Variants in RXRG observed in about 807,000 individuals in gnomAD.
RXRG encodes the protein retinoic acid receptor RXR-gamma.
RXRG carries 19 observed loss-of-function variants against 49.2 expected under a neutral mutation model. The observed-to-expected ratio is 0.39, with a 90% confidence interval of 0.27 to 0.57. The LOEUF (loss-of-function observed/expected upper bound fraction) is 0.57, where lower values mean the gene tolerates loss of function less well. Among genes scored for constraint, RXRG ranks in the 20% least tolerant of loss-of-function variants. RXRG has a pLI of 0.64. For missense variants in RXRG, 452 were observed against 592.5 expected, an observed-to-expected ratio of 0.76 and a Z score of 2.46; for synonymous variants, 224 against 216.6, an observed-to-expected ratio of 1.03 and a Z score of -0.30.
rs186433267 is a variant in RXRG, at chr1:165,401,075, A to G, written c.*188T>C. ...AGCCCTGTAGACAGCAAAGCGTATT[A>G]CCTTTAACATCTATACAAAAGTCCA... is the stretch of plus-strand genomic sequence containing the variant. On this transcript the variant is annotated 3_prime_UTR_variant, in exon 10 of 10. Coordinates refer to ENST00000359842, the MANE Select transcript of RXRG (RefSeq NM_006917.5). The G allele has an allele frequency of 1.1e-4, 62 of 581,412 alleles. No homozygotes were observed. The East Asian group carries it at 1.7e-3, about 16-fold the overall frequency. The allele number at this position is 581,412 out of a possible 1,614,324, so 36.0% of individuals were successfully genotyped here. A position where few individuals can be genotyped will look rare whatever the true frequency, so the allele number is the denominator to read the frequency against.
At chr1:165,404,009 T>G (rs1314417974) in intron 9 of RXRG, among the ~76,000 whole-genome samples, 1 of 152,234 alleles carries the variant, frequency 6.6e-6, no homozygotes, top group Non-Finnish European at 1.5e-5. Flanking sequence ...TTTTGATCTC[T>G]GCTTTCTGAT....
At chr1:165,438,248 T>C (rs1287022112) in intron 1 of RXRG, among the ~76,000 whole-genome samples, 1 of 152,190 alleles carries the variant, frequency 6.6e-6, no homozygotes, top group Non-Finnish European at 1.5e-5. Context: ...CAGAACTTTT[T>C]GAATGCCAAT....
chr1:165,437,794 G>A (rs1034585229), intron 1 of RXRG, among the ~76,000 whole-genome samples: 12 of 152,194 alleles, frequency 7.9e-5, no homozygotes, highest in Non-Finnish European at 1.5e-4. Flanking sequence ...GCCGGTCCTC[G>A]TTAGCAGGAT....
At chr1:165,404,343 C>A (rs1004793146) in intron 9 of RXRG, among the ~76,000 whole-genome samples, 16 of 152,226 alleles carry the variant, frequency 1.1e-4, no homozygotes, top group African/African-American at 3.9e-4. Context: ...GTCCTGGCAA[C>A]AAGTGTTGGC....
chr1:165,445,010 T>C lies in RXRG; in HGVS notation c.-117A>G, dbSNP rs1659116790. 2 of 911,742 alleles carry C rather than the reference T, an allele frequency of 2.2e-6. No individual in the cohort carries two copies. Among genetic ancestry groups the C allele is most frequent in the African/African-American group, 1.6e-5 (1 of 61,694 alleles). 56.5% of individuals were successfully genotyped at this position (911,742 alleles called of 1,614,324 possible). Reference sequence around the variant, plus strand: ...TGGGCTAACAAGAGTGGTCATCGCTTCCTAGCAGCCCGGGGAGCACAGGCT... The same window carrying C: ...TGGGCTAACAAGAGTGGTCATCGCTCCCTAGCAGCCCGGGGAGCACAGGCT... On this transcript the variant is annotated 5_prime_UTR_variant, in exon 1 of 10. Coordinates refer to ENST00000359842, the MANE Select transcript of RXRG (RefSeq NM_006917.5).
At chr1:165,443,077 C>T (rs1571294192) in intron 1 of RXRG, among the ~76,000 whole-genome samples, 1 of 152,184 alleles carries the variant, frequency 6.6e-6, no homozygotes, top group East Asian at 1.9e-4. Flanking sequence ...AGATGAGAGC[C>T]TAAGATGCTG....
At chr1:165,420,052 A>C in intron 2 of RXRG, 38 bp from the exon 3 acceptor site, 1 of 1,490,978 alleles carries the variant, frequency 6.7e-7, no homozygotes, top group Non-Finnish European at 9.0e-7. Flanking sequence ...ACAGAGCCAG[A>C]GTAAATTCAA....
rs768080799 is a variant in RXRG at position 165,401,250 on chromosome 1, T to C, written c.*13A>G. On this transcript the variant is annotated 3_prime_UTR_variant, in exon 10 of 10. Coordinates refer to ENST00000359842, the MANE Select transcript of RXRG (RefSeq NM_006917.5). ...GGGGTCATCCTGGGTGGGGAGGCTG[T>C]GGCTGGTGGGGCTCAGGTGATCTGC... The C allele has an allele frequency of 3.1e-6, 5 of 1,613,338 alleles. No individual in the cohort carries two copies. The African/African-American group carries it at 6.7e-5, about 22-fold the overall frequency.
intron 1 of RXRG, among the ~76,000 whole-genome samples, chr1:165,438,822 T>C (rs1364410218): frequency 6.6e-6 from 1 of 152,248 alleles, no homozygotes; most frequent in Non-Finnish European, 1.5e-5. Flanking sequence ...GGTCATGGTA[T>C]AAACTAGTTT....
At chr1:165,424,566 G>C (rs968640434) in intron 2 of RXRG, among the ~76,000 whole-genome samples, 1 of 152,188 alleles carries the variant, frequency 6.6e-6, no homozygotes, top group Admixed American at 6.5e-5. Flanking sequence ...GTTTGCAAAA[G>C]ATTACACAAT....
chr1:165,418,233 G>T (rs1658195884), intron 3 of RXRG, among the ~76,000 whole-genome samples: 1 of 152,100 alleles, frequency 6.6e-6, no homozygotes, highest in South Asian at 2.1e-4. Context: ...CCAGGCAGGG[G>T]TGGCTAATTT....
At position 165,406,876 on chromosome 1, in the gene RXRG, G is replaced by T. The variant is rs762921577; in HGVS notation, c.1180C>A (p.Arg394=). ...TCAAGGGTGGCATAAACCTTCTCTC[G>T]CAGAGTCTCCACCTCAGAGGGGTTG... ...LSNPSEVETL[R]EKVYATLEAY... Residue 394 remains arginine, a synonymous_variant, in exon 9 of 10, where the codon CGA becomes AGA. Transcript: ENST00000359842. 4 of 1,613,554 alleles carry T rather than the reference G, an allele frequency of 2.5e-6. No individual in the cohort carries two copies. The highest frequency in any genetic ancestry group is 1.3e-5 in the African/African-American group (1 of 74,820).
chr1:165,405,630 G>A (rs1261172169), intron 9 of RXRG, among the ~76,000 whole-genome samples: 9 of 152,162 alleles, frequency 5.9e-5, no homozygotes, highest in Non-Finnish European at 1.0e-4. Context: ...TCATGGTGGA[G>A]ACACAAGAAA....
At chr1:165,423,705 G>T (rs988915655) in intron 2 of RXRG, among the ~76,000 whole-genome samples, 1 of 151,822 alleles carries the variant, frequency 6.6e-6, no homozygotes, top group Non-Finnish European at 1.5e-5. Context: ...TGTGTTGCTG[G>T]GGGCGGTGGG....
At chr1:165,443,919 C>T (rs1026407599) in intron 1 of RXRG, among the ~76,000 whole-genome samples, 9 of 152,192 alleles carry the variant, frequency 5.9e-5, no homozygotes, top group African/African-American at 2.2e-4. Context: ...TTCTTTGGCT[C>T]CCAGCAACAT....
At chr1:165,401,539 G>C in intron 9 of RXRG, 129 bp from the exon 10 acceptor site, 1 of 970,852 alleles carries the variant, frequency 1.0e-6, no homozygotes, top group Non-Finnish European at 1.5e-6. Flanking sequence ...GGGTAGACAA[G>C]GGGGTCACAG....
chr1:165,443,961 G>A (rs1467423906), intron 1 of RXRG, among the ~76,000 whole-genome samples: 1 of 152,188 alleles, frequency 6.6e-6, no homozygotes, highest in East Asian at 1.9e-4. Context: ...CAAGCGACAG[G>A]CCAGTTGGTC....
intron 1 of RXRG, chr1:165,436,898 C>T: frequency 9.1e-7 from 1 of 1,104,372 alleles, no homozygotes; most frequent in Non-Finnish European, 1.1e-6. Flanking sequence ...GGTGGGATTT[C>T]AGAATTAACA....
intron 7 of RXRG, among the ~76,000 whole-genome samples, chr1:165,408,856 C>T (rs536511232): frequency 1.2e-4 from 18 of 152,242 alleles, no homozygotes; most frequent in African/African-American, 4.1e-4. Context: ...AGACCATTTA[C>T]GATGGAGGTA....
Sources: gnomAD v4.1 joint callset for allele counts (sites outside exome capture counted in the v4.1 genomes callset) on GRCh38, gnomAD v4.1.1 for gene constraint, MANE v1.5 for transcripts, NCBI Gene and HGNC (gene_info 2026-07-23, HGNC 2026-07-21) for gene names.